Variants in LY6H observed in about 807,000 individuals in gnomAD.
The protein encoded by LY6H is lymphocyte antigen 6 family member H.
In LY6H, 8 loss-of-function variants were observed where a neutral mutation model predicts 14.6. The ratio of observed to expected loss-of-function variants is 0.55; its 90% confidence interval spans 0.32 to 0.99. LY6H has a LOEUF of 0.99. Ranked by LOEUF, LY6H falls within the 50% of genes least tolerant of loss-of-function variation. The probability of loss-of-function intolerance (pLI) is 0.04; values close to 1 mark genes in which losing one functional copy is unlikely to be tolerated. For missense variants in LY6H, 196 were observed against 219.6 expected, an observed-to-expected ratio of 0.89 and a Z score of 0.68; for synonymous variants, 115 against 97.2, an observed-to-expected ratio of 1.18 and a Z score of -1.08.
chr8:143,160,305 G>C lies in LY6H; in HGVS notation c.-106C>G. ...ATCCGGGCGCAGCCTCGTCTTTCGG[G>C]GAACGCAGCCGCAGACGCGGACCCC... On this transcript the variant is annotated 5_prime_UTR_variant, in exon 1 of 4. Coordinates refer to ENST00000342752, the MANE Select transcript of LY6H (RefSeq NM_001135655.2). 2.0e-6 allele frequency: 2 copies of C among 990,826 alleles called. No individual in the cohort carries two copies. Among genetic ancestry groups the C allele is most frequent in the Non-Finnish European group, 2.6e-6 (2 of 769,072 alleles). The allele number at this position is 990,826 out of a possible 1,614,324, so 61.4% of individuals were successfully genotyped here.
At position 143,160,291 on chromosome 8, in the gene LY6H, G is replaced by C; in HGVS notation, c.-92C>G. 9.0e-7 allele frequency: 1 copy of C among 1,109,160 alleles called. No individual in the cohort carries two copies. Among genetic ancestry groups the C allele is most frequent in the South Asian group, 4.2e-5 (1 of 23,548 alleles). The allele number at this position is 1,109,160 out of a possible 1,614,324, so 68.7% of individuals were successfully genotyped here. A position where few individuals can be genotyped will look rare whatever the true frequency, so the allele number is the denominator to read the frequency against. On this transcript the variant is annotated 5_prime_UTR_variant, in exon 1 of 4. Transcript: ENST00000342752. The stretch of plus-strand genomic sequence containing the variant: ...CCCTGCGGACCGGAATCCGGGCGCA[G>C]CCTCGTCTTTCGGGGAACGCAGCCG...
rs577220845 is a variant in LY6H, at chr8:143,158,571, G to C, written c.251-86C>G. 6.3e-5 allele frequency: 82 copies of C among 1,305,884 alleles called. 5 individuals are homozygous for C. In the African/African-American group the frequency reaches 9.9e-4, roughly 16 times the overall value. The allele number at this position is 1,305,884 out of a possible 1,614,324, so 80.9% of individuals were successfully genotyped here. On this transcript the variant is annotated intron_variant, in intron 3 of 3. Coordinates refer to ENST00000342752, the MANE Select transcript of LY6H (RefSeq NM_001135655.2). Reference sequence around the variant, plus strand: ...CGAGGACCCAGCCCAGGCCCCTCCGGGTCAGCTCGGGGCCCCAGTAGGCAG... The same window carrying C: ...CGAGGACCCAGCCCAGGCCCCTCCGCGTCAGCTCGGGGCCCCAGTAGGCAG...
In LY6H at chr8:143,160,182, C is replaced by T. The variant is rs756328682; in HGVS notation, c.2+16G>A. ...GGGCGTGGAGCGCGGGCCTCGGGGT[C>T]GGGGGGCTCACTCACATCCCGGGGG... On this transcript the variant is annotated intron_variant, in intron 1 of 3. Coordinates refer to ENST00000342752, the MANE Select transcript of LY6H (RefSeq NM_001135655.2). 2.2e-5 allele frequency: 28 copies of T among 1,283,928 alleles called. No homozygotes were observed. Among genetic ancestry groups the T allele is most frequent in the Non-Finnish European group, 2.8e-5 (28 of 1,015,090 alleles). The allele number at this position is 1,283,928 out of a possible 1,614,324, so 79.5% of individuals were successfully genotyped here.
At chr8:143,159,022 G>A (rs1815524905) in intron 2 of LY6H, 100 bp from the exon 3 acceptor site, 1 of 1,502,170 alleles carries the variant, frequency 6.7e-7, no homozygotes, top group Non-Finnish European at 9.0e-7. Context: ...GGCACTCCTG[G>A]GAGAGCCCGA....
intron 2 of LY6H, chr8:143,159,187 G>T: frequency 1.7e-6 from 1 of 593,596 alleles, no homozygotes; most frequent in Non-Finnish European, 3.0e-6. Flanking sequence ...CACACACACG[G>T]GCTATACAGA....
chr8:143,158,301 G>C lies in LY6H; in HGVS notation c.435C>G (p.Ala145=). The change falls in exon 4 of 4, where the codon GCC becomes GCG. Residue 145 remains alanine, a synonymous_variant. Transcript: ENST00000342752. ...GCCCCAGGCTGAGCAGGAGCCCCCC[G>C]GCCAGGGCCCAGGGGCTGTGCCCTG... ...AGAGHSPWAL[A]GGLLLSLGPA... is the part of the protein sequence containing the mutation. The C allele has an allele frequency of 1.2e-6, 2 of 1,613,406 alleles. No individual in the cohort carries two copies. Among genetic ancestry groups the C allele is most frequent in the African/African-American group, 1.3e-5 (1 of 75,012 alleles).
chr8:143,159,173 CAA>C (rs981005048), intron 2 of LY6H: 51 of 601,532 alleles, frequency 8.5e-5, no homozygotes, highest in Non-Finnish European at 2.4e-5. Context: ...CACACACACA[CAA>C]ACACACACAC....
chr8:143,157,929 G>A lies in LY6H; in HGVS notation c.*321C>T. 2.8e-6 allele frequency: 1 copy of A among 359,554 alleles called. No individual in the cohort carries two copies. The highest frequency in any genetic ancestry group is 5.0e-6 in the Non-Finnish European group (1 of 200,436). 22.3% of individuals were successfully genotyped at this position (359,554 alleles called of 1,614,324 possible). On this transcript the variant is annotated 3_prime_UTR_variant, in exon 4 of 4. Transcript: ENST00000342752. ...CAGACCCGGGTCTCAGGACTCAAAAGTGACTTTATTTCTCCGCAGAAGACG... is the reference window on the plus strand; with the variant it reads ...CAGACCCGGGTCTCAGGACTCAAAAATGACTTTATTTCTCCGCAGAAGACG...
rs1238345492 is a variant in LY6H at position 143,158,812 on chromosome 8, G to A, written c.241C>T (p.Pro81Ser). The A allele has an allele frequency of 3.1e-6, 5 of 1,590,548 alleles. No individual in the cohort carries two copies. Among genetic ancestry groups the A allele is most frequent in the Admixed American group, 3.4e-5 (2 of 59,212 alleles). ...CTAAGTCCCAACTTACTGCTGCTGG[G>A]ATCGGTGATTCGGACACTGGCACAC... Reference protein sequence around the residue: ...TVCASVRITDPSSSRKDHSVN... With the variant: ...TVCASVRITDSSSSRKDHSVN... Residue 81 changes from proline (P) to serine (S), a missense_variant, in exon 3 of 4, where the codon CCC (proline) becomes TCC (serine). Physicochemically the swap from Pro to Ser is moderately conservative, Grantham distance 74 (BLOSUM62 -1). Transcript: ENST00000342752.
chr8:143,158,704 C>T (rs1815513693), intron 3 of LY6H, 99 bp downstream of exon 3: 1 of 1,466,184 alleles, frequency 6.8e-7, no homozygotes, highest in South Asian at 1.3e-5. Context: ...CCCACGCTCT[C>T]ACTCTCGTCC....
chr8:143,159,002 C>G, intron 2 of LY6H, 80 bp from the exon 3 acceptor site: 2 of 1,545,356 alleles, frequency 1.3e-6, no homozygotes, highest in Non-Finnish European at 1.7e-6. Flanking sequence ...CCACCCATCC[C>G]CCTGCTGCAG....
intron 2 of LY6H, chr8:143,159,248 C>A (rs1815532784): frequency 1.8e-6 from 1 of 556,800 alleles, no homozygotes; most frequent in Non-Finnish European, 3.2e-6. Context: ...TCACATATCC[C>A]CCCCAGAGGT....
In LY6H at chr8:143,159,154, G is replaced by T; in HGVS notation, c.131-232C>A. On this transcript the variant is annotated intron_variant, in intron 2 of 3. Transcript: ENST00000342752. ...TGGCCCCTCCCTGGCCCCCATGCAC[G>T]TGCGTGCACACACACACACAAACAC... 4.8e-6 allele frequency: 3 copies of T among 618,920 alleles called. No individual in the cohort carries two copies. In the East Asian group the frequency reaches 8.3e-5, roughly 17 times the overall value. The allele number at this position is 618,920 out of a possible 1,614,324, so 38.3% of individuals were successfully genotyped here. A position where few individuals can be genotyped will look rare whatever the true frequency, so the allele number is the denominator to read the frequency against.
rs1237083969 is a variant in LY6H, at chr8:143,158,211, G to A, written c.*39C>T. ...TGGGGAGAGGGCAGCCACAGGCTCA[G>A]GGGAGCAAGCTCAGAAGCCCCGTGG... On this transcript the variant is annotated 3_prime_UTR_variant, in exon 4 of 4. Transcript: ENST00000342752. The A allele has an allele frequency of 1.3e-6, 2 of 1,485,462 alleles. No homozygotes were observed. The highest frequency in any genetic ancestry group is 1.4e-5 in the African/African-American group (1 of 71,546). 92.0% of individuals were successfully genotyped at this position (1,485,462 alleles called of 1,614,324 possible). A position where few individuals can be genotyped will look rare whatever the true frequency, so the allele number is the denominator to read the frequency against.
chr8:143,159,742 A>T, intron 1 of LY6H, 33 bp from the exon 2 acceptor site: 6 of 1,337,258 alleles, frequency 4.5e-6, no homozygotes, highest in Non-Finnish European at 5.7e-6. Context: ...AGGAGACCCC[A>T]AAGACCCTCT....
Position 143,160,315 on chromosome 8 carries a change from C to T in LY6H, c.-116G>A. On this transcript the variant is annotated 5_prime_UTR_variant, in exon 1 of 4. Coordinates refer to ENST00000342752, the MANE Select transcript of LY6H (RefSeq NM_001135655.2). Reference sequence around the variant, plus strand: ...AGCCTCGTCTTTCGGGGAACGCAGCCGCAGACGCGGACCCCGCGCGAGGGG... The same window carrying T: ...AGCCTCGTCTTTCGGGGAACGCAGCTGCAGACGCGGACCCCGCGCGAGGGG... The T allele has an allele frequency of 1.1e-6, 1 of 876,978 alleles. No homozygotes were observed. Among genetic ancestry groups the T allele is most frequent in the East Asian group, 3.5e-5 (1 of 28,516 alleles). The allele number at this position is 876,978 out of a possible 1,614,324, so 54.3% of individuals were successfully genotyped here.
In LY6H at chr8:143,158,309, C is replaced by T; in HGVS notation, c.427G>A (p.Ala143Thr). The part of the protein sequence containing the change: ...GAAGAGHSPW[A>T]LAGGLLLSLG... Reference sequence around the variant, plus strand: ...CTGAGCAGGAGCCCCCCGGCCAGGGCCCAGGGGCTGTGCCCTGCCCCTGCC... The same window carrying T: ...CTGAGCAGGAGCCCCCCGGCCAGGGTCCAGGGGCTGTGCCCTGCCCCTGCC... Residue 143 changes from alanine (A) to threonine (T), a missense_variant, in exon 4 of 4, where the codon GCC becomes ACC. Transcript: ENST00000342752. 1 of 1,613,534 alleles carries T rather than the reference C, an allele frequency of 6.2e-7. No individual in the cohort carries two copies. The highest frequency in any genetic ancestry group is 8.5e-7 in the Non-Finnish European group (1 of 1,179,842).
At chr8:143,159,964 C>T (rs1815558728) in intron 1 of LY6H, 2 of 1,236,166 alleles carry the variant, frequency 1.6e-6, no homozygotes, top group Non-Finnish European at 2.0e-6. Context: ...GGGGGGCGTC[C>T]TCTTCTCCCC....
In LY6H at chr8:143,159,991, G is replaced by A. The variant is rs373677564; in HGVS notation, c.2+207C>T. ...CTTCTCCCCGGGGAGCTGCAGGTGC[G>A]TCCGGACAGGAATGAGCGGCAGGGG... On this transcript the variant is annotated intron_variant, in intron 1 of 3. Transcript: ENST00000342752. 27 of 1,230,366 alleles carry A rather than the reference G, an allele frequency of 2.2e-5. No homozygotes were observed. The South Asian group carries it at 4.1e-4, about 18-fold the overall frequency. The allele number at this position is 1,230,366 out of a possible 1,614,324, so 76.2% of individuals were successfully genotyped here. A position where few individuals can be genotyped will look rare whatever the true frequency, so the allele number is the denominator to read the frequency against.
Sources: gnomAD v4.1 joint callset for allele counts on GRCh38, gnomAD v4.1.1 for gene constraint, MANE v1.5 for transcripts, NCBI Gene and HGNC (gene_info 2026-07-23, HGNC 2026-07-21) for gene names.